The following UBE2V2 variants were observed in gnomAD, a reference collection of about 807,000 sequenced individuals.
The protein encoded by UBE2V2 is ubiquitin conjugating enzyme E2 V2.
In UBE2V2, 9 loss-of-function variants were observed where a neutral mutation model predicts 17.2. The ratio of observed to expected loss-of-function variants is 0.52; its 90% confidence interval spans 0.32 to 0.91. The LOEUF (loss-of-function observed/expected upper bound fraction) is 0.91. Among genes scored for constraint, UBE2V2 ranks in the 40% least tolerant of loss-of-function variants. The probability of loss-of-function intolerance (pLI) is 0.04; values close to 1 mark genes in which losing one functional copy is unlikely to be tolerated. For synonymous variants in UBE2V2, 61 were observed against 57.5 expected (o/e 1.06, Z -0.28); for missense variants, 133 against 182.6 (o/e 0.73, Z 1.56).
chr8:47,998,701 T>TGA, the UBE2V2 span, among the ~76,000 whole-genome samples: 15 of 137,738 alleles, frequency 1.1e-4, no homozygotes, highest in South Asian at 1.5e-3. Flanking sequence ...AAAGAGAGAG[T>TGA]GAGAGAGAGA....
At chr8:48,008,508 G>A (rs751298482) in intron 1 of UBE2V2, 38 bp downstream of exon 1, 5 of 1,558,228 alleles carry the variant, frequency 3.2e-6, no homozygotes, top group Non-Finnish European at 4.3e-6. Context: ...TTTCCGCTCC[G>A]ACCCGGCTCT....
chr8:48,002,640 G>A, the UBE2V2 span, among the ~76,000 whole-genome samples: 31 of 151,680 alleles, frequency 2.0e-4, no homozygotes, highest in East Asian at 5.3e-3. Context: ...GGGGAGGGGA[G>A]GGGAAAGGAA....
rs1461777044 is a variant in UBE2V2 at position 48,063,993 on chromosome 8, T to G, written c.*3165T>G. 6.6e-6 allele frequency: 1 copy of G among 152,204 alleles called. No homozygotes were observed. Among genetic ancestry groups the G allele is most frequent in the Admixed American group, 6.5e-5 (1 of 15,278 alleles). The allele number at this position is 152,204 out of a possible 1,614,324, so 9.4% of individuals were successfully genotyped here. The stretch of plus-strand genomic sequence containing the variant: ...CTTTTTTCTTAATAGGTTTGGTGTG[T>G]GTGGCTTTGAATGGTTCTGCTGATG... On this transcript the variant is annotated 3_prime_UTR_variant, in exon 4 of 4. Coordinates refer to ENST00000523111, the MANE Select transcript of UBE2V2 (RefSeq NM_003350.3).
At chr8:48,025,730 G>C (rs975282151) in intron 1 of UBE2V2, among the ~76,000 whole-genome samples, 6 of 152,016 alleles carry the variant, frequency 3.9e-5, no homozygotes, top group Non-Finnish European at 5.9e-5. Context: ...CTTCCGAGTA[G>C]CTGGGACTAT....
intron 2 of UBE2V2, among the ~76,000 whole-genome samples, chr8:48,045,459 T>C (rs1244541601): frequency 2.0e-5 from 3 of 152,146 alleles, no homozygotes; most frequent in African/African-American, 7.2e-5. Context: ...TTGGATTTCA[T>C]TCCTTTCTTG....
chr8:48,018,192 G>A (rs2091283022), intron 1 of UBE2V2, among the ~76,000 whole-genome samples: 1 of 152,164 alleles, frequency 6.6e-6, no homozygotes, highest in East Asian at 1.9e-4. Flanking sequence ...GTCCTAGAAA[G>A]AGCAATAAGA....
chr8:48,015,248 T>C (rs527814087), intron 1 of UBE2V2, among the ~76,000 whole-genome samples: 1 of 151,676 alleles, frequency 6.6e-6, no homozygotes, highest in South Asian at 2.1e-4. Context: ...TGTGGTGATG[T>C]GCACCTGCAG....
intron 1 of UBE2V2, among the ~76,000 whole-genome samples, chr8:48,026,871 A>AT (rs2091349744): frequency 6.6e-6 from 1 of 152,150 alleles, no homozygotes; most frequent in South Asian, 2.1e-4. Flanking sequence ...TGCTGTAAAC[A>AT]TTTATGTACA....
At chr8:48,057,027 G>A (rs371286733) in intron 3 of UBE2V2, among the ~76,000 whole-genome samples, 6 of 151,970 alleles carry the variant, frequency 3.9e-5, no homozygotes, top group East Asian at 1.9e-4. Context: ...CGCCTGGCCT[G>A]TAATAAGTTT....
chr8:48,017,349 T>G (rs2091276188), intron 1 of UBE2V2, among the ~76,000 whole-genome samples: 1 of 152,080 alleles, frequency 6.6e-6, no homozygotes, highest in African/African-American at 2.4e-5. Context: ...TTTACGAGTA[T>G]AGTGAACCAT....
intron 3 of UBE2V2, among the ~76,000 whole-genome samples, chr8:48,058,689 G>GT (rs2091589149): frequency 6.6e-6 from 1 of 151,964 alleles, no homozygotes; most frequent in South Asian, 2.1e-4. Context: ...TTAGCTCTAA[G>GT]TTTTTTGTAG....
upstream of UBE2V2, chr8:48,008,269 A>G: frequency 3.2e-6 from 2 of 621,498 alleles, no homozygotes; most frequent in South Asian, 7.1e-5. Flanking sequence ...GGGATTCACA[A>G]GGGAATTGCG....
At chr8:48,008,643 C>T (rs1563846389) in intron 1 of UBE2V2, 173 bp downstream of exon 1, 9 of 922,662 alleles carry the variant, frequency 9.8e-6, no homozygotes, top group Non-Finnish European at 1.3e-5. Flanking sequence ...GCCGAGGCCC[C>T]GGCGGCCGTC....
At chr8:48,020,977 C>T (rs922817459) in intron 1 of UBE2V2, among the ~76,000 whole-genome samples, 2 of 151,464 alleles carry the variant, frequency 1.3e-5, no homozygotes, top group African/African-American at 4.9e-5. Flanking sequence ...GAACTCCTGG[C>T]CTCAAGTGCT....
chr8:48,007,953 C>T (rs527461887), upstream of UBE2V2, among the ~76,000 whole-genome samples: 1 of 152,228 alleles, frequency 6.6e-6, no homozygotes, highest in African/African-American at 2.4e-5. Flanking sequence ...GGCGGAGTCT[C>T]GCTCTGTTGT....
intron 1 of UBE2V2, among the ~76,000 whole-genome samples, chr8:48,039,975 C>T (rs1268079835): frequency 3.9e-5 from 6 of 151,908 alleles, no homozygotes; most frequent in Non-Finnish European, 8.8e-5. Flanking sequence ...GTTGATTGGC[C>T]TACCTTTGCC....
At chr8:48,030,297 A>T (rs2091374036) in intron 1 of UBE2V2, among the ~76,000 whole-genome samples, 2 of 152,256 alleles carry the variant, frequency 1.3e-5, no homozygotes, top group African/African-American at 4.8e-5. Flanking sequence ...TGAGAGAAAG[A>T]TTAAAAACAA....
chr8:48,023,051 G>T (rs1262529447), intron 1 of UBE2V2, among the ~76,000 whole-genome samples: 1 of 151,972 alleles, frequency 6.6e-6, no homozygotes. Context: ...TTCTCTTGCT[G>T]CCTTGAGGAT....
chr8:48,033,170 G>C (rs555718473), intron 1 of UBE2V2, among the ~76,000 whole-genome samples: 13 of 152,078 alleles, frequency 8.5e-5, no homozygotes, highest in African/African-American at 2.7e-4. Context: ...AAGACTCAGT[G>C]ATTTTTTTTA....
Sources: allele counts gnomAD v4.1 joint callset (sites outside exome capture counted in the v4.1 genomes callset), GRCh38; gene constraint gnomAD v4.1.1; transcripts MANE v1.5; gene names NCBI Gene and HGNC (gene_info 2026-07-23, HGNC 2026-07-21).